AKIRIN2: variants seen among roughly 807,000 people sequenced by gnomAD.
AKIRIN2 encodes the protein akirin-2.
AKIRIN2 carries 6 observed loss-of-function variants against 29.3 expected under a neutral mutation model. That is an observed-to-expected ratio of 0.20 (90% confidence interval 0.11 to 0.40). The LOEUF (loss-of-function observed/expected upper bound fraction) is 0.40, where lower values mean the gene tolerates loss of function less well. AKIRIN2 is among the 10% of genes least tolerant of loss of function. The pLI is 1.00. For synonymous variants in AKIRIN2, 128 were observed against 117.5 expected, an observed-to-expected ratio of 1.09 and a Z score of -0.58; for missense variants, 210 against 276.1, an observed-to-expected ratio of 0.76 and a Z score of 1.70.
chr6:87,687,201 G>A (rs537615009), intron 1 of AKIRIN2, among the ~76,000 whole-genome samples: 10 of 148,282 alleles, frequency 6.7e-5, no homozygotes, highest in African/African-American at 2.5e-4. Context: ...GCAATGTACA[G>A]TTCTGAACTA....
At chr6:87,693,455 C>T (rs1299896801) in intron 1 of AKIRIN2, among the ~76,000 whole-genome samples, 2 of 152,064 alleles carry the variant, frequency 1.3e-5, no homozygotes, top group South Asian at 4.1e-4. Flanking sequence ...AATGGCCGGG[C>T]GCGGTGGCTC....
intron 1 of AKIRIN2, among the ~76,000 whole-genome samples, chr6:87,698,369 T>C (rs973662602): frequency 4.4e-5 from 6 of 136,930 alleles, no homozygotes; most frequent in African/African-American, 1.8e-4. Flanking sequence ...CAATGAACAA[T>C]ACTTAAAAAA....
chr6:87,682,216 C>T (rs555622036), intron 1 of AKIRIN2, among the ~76,000 whole-genome samples: 1 of 152,212 alleles, frequency 6.6e-6, no homozygotes, highest in Non-Finnish European at 1.5e-5. Context: ...TTCAAGCACA[C>T]AACAGTCTGA....
intron 2 of AKIRIN2, among the ~76,000 whole-genome samples, chr6:87,680,283 ATTTTTTTTTTTTTTT>A (rs10563070): frequency 1.3e-5 from 1 of 79,578 alleles, no homozygotes; most frequent in Non-Finnish European, 2.6e-5. Context: ...ATGGTCTTTG[ATTTTTTTTTTTTTTT>A]TTTTTTTGAG....
In AKIRIN2 at chr6:87,702,194, G is replaced by A. The variant is rs1771483066; in HGVS notation, c.-510C>T. ...GGTAGCTGCCGCAGCAGGAACCCAA[G>A]CGAACACGTCCAACCGCTTCCCCTC... On this transcript the variant is annotated 5_prime_UTR_variant, in exon 1 of 5. Transcript: ENST00000257787. The A allele has an allele frequency of 7.5e-6, 3 of 398,142 alleles. No homozygotes were observed. Among genetic ancestry groups the A allele is most frequent in the East Asian group, 7.1e-5 (2 of 28,058 alleles). 24.7% of individuals were successfully genotyped at this position (398,142 alleles called of 1,614,324 possible).
At position 87,701,825 on chromosome 6, in the gene AKIRIN2, C is replaced by G. The variant is rs1008295677; in HGVS notation, c.-141G>C. 70 of 560,340 alleles carry G rather than the reference C, an allele frequency of 1.2e-4. No homozygotes were observed. The Admixed American group carries it at 1.8e-3, about 14-fold the overall frequency. 34.7% of individuals were successfully genotyped at this position (560,340 alleles called of 1,614,324 possible). ...AGGAGCCAAGCGGGTCGCGGAGCGC[C>G]GGCTGTGGAAAGGAGAGCCGCTGCC... On this transcript the variant is annotated 5_prime_UTR_variant, in exon 1 of 5. Transcript: ENST00000257787.
At chr6:87,683,621 C>T (rs1292639870) in intron 1 of AKIRIN2, among the ~76,000 whole-genome samples, 1 of 152,090 alleles carries the variant, frequency 6.6e-6, no homozygotes, top group Non-Finnish European at 1.5e-5. Flanking sequence ...TAATAACAGA[C>T]CTCTTTTCAG....
Position 87,677,950 on chromosome 6 carries a change from A to T in AKIRIN2, c.397T>A (p.Ser133Thr). The change falls in exon 3 of 5, where the codon TCC becomes ACC. Residue 133 changes from serine (S) to threonine (T), a missense_variant. By Grantham distance (58) the Ser-to-Thr change is moderately conservative. Coordinates refer to ENST00000257787, the MANE Select transcript of AKIRIN2 (RefSeq NM_018064.4). ...GGCTGTTCTTTTTTTAATGGTGAGG[A>T]TGCTGCAGATGAAGTCCCTATGTAC... ...PASPGTSSAA[S>T]SPLKKEQPLF... 3.7e-6 allele frequency: 6 copies of T among 1,613,844 alleles called. No homozygotes were observed. Among genetic ancestry groups the T allele is most frequent in the Non-Finnish European group, 4.2e-6 (5 of 1,179,930 alleles).
rs535611407 is a variant in AKIRIN2 at position 87,701,993 on chromosome 6, G to A, written c.-309C>T. The A allele has an allele frequency of 2.4e-4, 97 of 402,566 alleles. 2 individuals are homozygous for A. The highest frequency in any genetic ancestry group is 1.9e-3 in the African/African-American group (91 of 48,770). The allele number at this position is 402,566 out of a possible 1,614,324, so 24.9% of individuals were successfully genotyped here. ...CGCGGCTCCCCCGAGAGAGGCTCCG[G>A]CCGCCCCCGCCGTCCGCTCGAGCTT... On this transcript the variant is annotated 5_prime_UTR_variant, in exon 1 of 5. Transcript: ENST00000257787.
chr6:87,701,880 C>A lies in AKIRIN2; in HGVS notation c.-196G>T. The A allele has an allele frequency of 2.3e-6, 1 of 436,930 alleles. No individual in the cohort carries two copies. Among genetic ancestry groups the A allele is most frequent in the Non-Finnish European group, 4.0e-6 (1 of 248,990 alleles). 27.1% of individuals were successfully genotyped at this position (436,930 alleles called of 1,614,324 possible). On this transcript the variant is annotated 5_prime_UTR_variant, in exon 1 of 5. Transcript: ENST00000257787. ...CTGCCTCCGCGGCAGGGGCAGTGGC[C>A]AGGGACGGCCCGGGTGAGAGCGGGA...
At chr6:87,699,060 A>C (rs1334580677) in intron 1 of AKIRIN2, among the ~76,000 whole-genome samples, 1 of 152,250 alleles carries the variant, frequency 6.6e-6, no homozygotes, top group East Asian at 1.9e-4. Context: ...CAAGTTTGCC[A>C]ATCTCAATTT....
chr6:87,686,489 C>T (rs1194703059), intron 1 of AKIRIN2, among the ~76,000 whole-genome samples: 1 of 151,992 alleles, frequency 6.6e-6, no homozygotes, highest in Non-Finnish European at 1.5e-5. Flanking sequence ...AAATATCTTT[C>T]TAGGGTCCAT....
At chr6:87,694,393 C>A (rs1413092973) in intron 1 of AKIRIN2, among the ~76,000 whole-genome samples, 1 of 152,122 alleles carries the variant, frequency 6.6e-6, no homozygotes, top group Non-Finnish European at 1.5e-5. Context: ...ACTGATAAAG[C>A]ATAAAGTGCT....
At chr6:87,690,793 T>C (rs1031244148) in intron 1 of AKIRIN2, among the ~76,000 whole-genome samples, 6 of 151,976 alleles carry the variant, frequency 3.9e-5, no homozygotes, top group African/African-American at 1.5e-4. Context: ...GCCAACATGG[T>C]AAAACCCTAT....
chr6:87,701,378 C>T, intron 1 of AKIRIN2, 72 bp downstream of exon 1: 1 of 1,445,178 alleles, frequency 6.9e-7, no homozygotes, highest in East Asian at 2.8e-5. Flanking sequence ...CCCCAGGGGC[C>T]GCATCCCACA....
intron 2 of AKIRIN2, among the ~76,000 whole-genome samples, chr6:87,679,401 G>C (rs1294854500): frequency 2.0e-5 from 3 of 152,084 alleles, no homozygotes; most frequent in Admixed American, 6.6e-5. Flanking sequence ...GCACGTGCCT[G>C]TAGTTCTAGC....
At chr6:87,688,715 T>C (rs990829387) in intron 1 of AKIRIN2, among the ~76,000 whole-genome samples, 3 of 152,020 alleles carry the variant, frequency 2.0e-5, no homozygotes, top group South Asian at 2.1e-4. Flanking sequence ...ATTAAGCCAA[T>C]GCACTCCAGC....
At chr6:87,695,603 A>C (rs1771347823) in intron 1 of AKIRIN2, among the ~76,000 whole-genome samples, 1 of 152,224 alleles carries the variant, frequency 6.6e-6, no homozygotes, top group Non-Finnish European at 1.5e-5. Flanking sequence ...TAACACAAGG[A>C]CTACAGAGAC....
chr6:87,680,309 T>G (rs1195934232), intron 2 of AKIRIN2, among the ~76,000 whole-genome samples: 1 of 139,946 alleles, frequency 7.1e-6, no homozygotes, highest in Non-Finnish European at 1.5e-5. Context: ...TTTTTTTGAG[T>G]CTCATTCTGT....
Sources: allele counts gnomAD v4.1 joint callset (sites outside exome capture counted in the v4.1 genomes callset), GRCh38; gene constraint gnomAD v4.1.1; transcripts MANE v1.5; gene names NCBI Gene and HGNC (gene_info 2026-07-23, HGNC 2026-07-21).